ZNF654: variants seen among roughly 807,000 people sequenced by gnomAD.
ZNF654 encodes the protein melanoma-associated antigen.
In ZNF654, 19 loss-of-function variants were observed where a neutral mutation model predicts 95.3. The observed-to-expected ratio is 0.20, with a 90% CI of 0.14 to 0.29. The LOEUF is 0.29. Among genes scored for constraint, ZNF654 ranks in the 10% least tolerant of loss-of-function variants. The pLI, the probability that ZNF654 is intolerant of heterozygous loss-of-function variation, is 1.00. For missense variants in ZNF654, 1,046 were observed against 1,341.0 expected, an observed-to-expected ratio of 0.78 and a Z score of 3.44; for synonymous variants, 413 against 457.9, an observed-to-expected ratio of 0.90 and a Z score of 1.25.
At chr3:88,071,787 A>T (rs1053005194) in intron 1 of ZNF654, among the ~76,000 whole-genome samples, 1 of 152,114 alleles carries the variant, frequency 6.6e-6, no homozygotes, top group Non-Finnish European at 1.5e-5. Flanking sequence ...CTGGGCGACA[A>T]GAGTGAGACT....
chr3:88,113,080 A>G (rs1180863714), intron 2 of ZNF654, 35 bp from the exon 3 acceptor site: 2 of 1,368,144 alleles, frequency 1.5e-6, no homozygotes, highest in East Asian at 5.0e-5. Flanking sequence ...CAAAACTCAA[A>G]GAAGCAATGA....
intron 1 of ZNF654, among the ~76,000 whole-genome samples, chr3:88,064,081 A>G (rs991021696): frequency 8.0e-5 from 12 of 149,608 alleles, no homozygotes; most frequent in African/African-American, 2.9e-4. Context: ...GAAAACAAGA[A>G]TGGATATTAT....
chr3:88,071,706 A>T (rs1357031499), intron 1 of ZNF654, among the ~76,000 whole-genome samples: 1 of 151,572 alleles, frequency 6.6e-6, no homozygotes, highest in East Asian at 1.9e-4. Context: ...CAGGAGGATG[A>T]GGCAAGAGAA....
At chr3:88,114,261 G>A (rs1705260019) in intron 3 of ZNF654, among the ~76,000 whole-genome samples, 1 of 152,116 alleles carries the variant, frequency 6.6e-6, no homozygotes, top group Admixed American at 6.6e-5. Context: ...TATTGGGGAA[G>A]GATATTTCAG....
At chr3:88,088,753 TATGTATGTATGGATGGATGGATGG>T (rs1329306769) in intron 2 of ZNF654, among the ~76,000 whole-genome samples, 1 of 118,078 alleles carries the variant, frequency 8.5e-6, no homozygotes, top group African/African-American at 2.9e-5. Flanking sequence ...TTTATGTATG[TATGTATGTATGGATGGATGGATGG>T]ATGGATGGAT....
Position 88,135,052 on chromosome 3 carries a change from C to A in ZNF654, c.894-9C>A, listed in dbSNP as rs768482517. ...ATTTTTGATAATTCTCTTTTTTTCT[C>A]ATTTACAGGGAGTTGATTTTCATAT... On this transcript the variant is annotated splice_polypyrimidine_tract_variant and intron_variant, in intron 6 of 8. Coordinates refer to ENST00000636215, the MANE Select transcript of ZNF654 (RefSeq NM_001350134.2). The A allele has an allele frequency of 2.2e-6, 3 of 1,378,318 alleles. No homozygotes were observed. Among genetic ancestry groups the A allele is most frequent in the South Asian group, 3.5e-5 (2 of 57,688 alleles). 85.4% of individuals were successfully genotyped at this position (1,378,318 alleles called of 1,614,324 possible). A position where few individuals can be genotyped will look rare whatever the true frequency, so the allele number is the denominator to read the frequency against.
chr3:88,109,752 C>G (rs142453975), intron 2 of ZNF654, among the ~76,000 whole-genome samples: 35 of 152,122 alleles, frequency 2.3e-4, no homozygotes, highest in Admixed American at 1.3e-3. Flanking sequence ...ACATAACTTA[C>G]AATTTGGACT....
intron 3 of ZNF654, among the ~76,000 whole-genome samples, chr3:88,121,389 A>G (rs1705760166): frequency 6.6e-6 from 1 of 152,168 alleles, no homozygotes; most frequent in Non-Finnish European, 1.5e-5. Context: ...GGCAACAGCA[A>G]TCATGTAATA....
intron 1 of ZNF654, among the ~76,000 whole-genome samples, chr3:88,065,707 A>G (rs1707157958): frequency 6.6e-6 from 1 of 152,098 alleles, no homozygotes; most frequent in East Asian, 1.9e-4. Flanking sequence ...TTCTTTTCCT[A>G]CCTCACAGAT....
chr3:88,113,824 CTTAT>C (rs1486957563), intron 3 of ZNF654, among the ~76,000 whole-genome samples: 3 of 9,278 alleles, frequency 3.2e-4, no homozygotes, highest in African/African-American at 4.7e-4. Context: ...GACAACATAT[CTTAT>C]ATTTGTTAAC....
chr3:88,112,140 G>A (rs550579789), intron 2 of ZNF654, among the ~76,000 whole-genome samples: 2 of 151,840 alleles, frequency 1.3e-5, no homozygotes, highest in African/African-American at 4.8e-5. Flanking sequence ...TTATAAAAAC[G>A]TCAGGTTATG....
chr3:88,130,617 ATTTT>A lies in ZNF654; in HGVS notation c.893+806_893+809del, dbSNP rs10674029. ...AGATGTGTGCAACCATGCCCAGCTA[ATTTT>A]TTTTTTTTTTTTTTGGTAGAGATGG... On this transcript the variant is annotated intron_variant, in intron 6 of 8. Transcript: ENST00000636215. Among the ~76,000 whole-genome samples, 7 of 129,184 alleles carry A rather than the reference ATTTT, an allele frequency of 5.4e-5. No homozygotes were observed. The South Asian group carries it at 7.4e-4, about 14-fold the overall frequency. 84.7% of individuals were successfully genotyped at this position (129,184 alleles called of 152,430 possible).
chr3:88,069,151 G>A (rs1456226396), intron 1 of ZNF654, among the ~76,000 whole-genome samples: 1 of 9,090 alleles, frequency 1.1e-4, no homozygotes, highest in African/African-American at 1.6e-4. Flanking sequence ...GCCAGGCGCC[G>A]TGGCTTACAC....
chr3:88,072,678 C>T (rs2107618832), intron 1 of ZNF654, among the ~76,000 whole-genome samples: 1 of 152,176 alleles, frequency 6.6e-6, no homozygotes, highest in East Asian at 1.9e-4. Flanking sequence ...TCCCCCTTAC[C>T]TGTGTTTTAT....
intron 1 of ZNF654, among the ~76,000 whole-genome samples, chr3:88,069,496 A>G (rs1707388292): frequency 6.6e-6 from 1 of 152,242 alleles, no homozygotes; most frequent in African/African-American, 2.4e-5. Context: ...TAGATGAGAT[A>G]GTAACAATGG....
intron 3 of ZNF654, among the ~76,000 whole-genome samples, chr3:88,124,031 T>A (rs1315089660): frequency 1.3e-5 from 2 of 152,200 alleles, no homozygotes; most frequent in East Asian, 3.9e-4. Context: ...TACCCCATAT[T>A]TAATGAATGC....
intron 2 of ZNF654, among the ~76,000 whole-genome samples, chr3:88,105,821 A>G (rs767029615): frequency 6.6e-6 from 1 of 152,156 alleles, no homozygotes; most frequent in Non-Finnish European, 1.5e-5. Context: ...TATCCCCCCA[A>G]AACTCATATT....
intron 1 of ZNF654, among the ~76,000 whole-genome samples, chr3:88,084,243 T>G (rs962859531): frequency 2.6e-5 from 4 of 152,062 alleles, no homozygotes; most frequent in Non-Finnish European, 5.9e-5. Flanking sequence ...GTAGAAAGCT[T>G]CTCTTCTAAG....
chr3:88,103,779 T>C (rs1441834718), intron 2 of ZNF654, among the ~76,000 whole-genome samples: 3 of 148,764 alleles, frequency 2.0e-5, no homozygotes, highest in Non-Finnish European at 4.5e-5. Context: ...TTTTTTTTTT[T>C]TTTTTGAGAT....
Sources: allele counts gnomAD v4.1 joint callset (sites outside exome capture counted in the v4.1 genomes callset), GRCh38; gene constraint gnomAD v4.1.1; transcripts MANE v1.5; gene names NCBI Gene and HGNC (gene_info 2026-07-23, HGNC 2026-07-21).